Variants in GRIK4 observed in about 807,000 individuals in gnomAD.
The protein encoded by GRIK4 is glutamate ionotropic receptor kainate type subunit 4, also known as glutamate receptor ionotropic, kainate 4.
In GRIK4, 40 loss-of-function variants were observed where a neutral mutation model predicts 104.9. The ratio of observed to expected loss-of-function variants is 0.38; its 90% CI spans 0.30 to 0.50. GRIK4 has a LOEUF of 0.50. Ranked by LOEUF, GRIK4 falls within the 20% of genes least tolerant of loss-of-function variation. GRIK4 has a pLI of 0.93. For synonymous variants in GRIK4, 485 were observed against 524.9 expected, an observed-to-expected ratio of 0.92 and a Z score of 1.04; for missense variants, 1,047 against 1,308.1, an observed-to-expected ratio of 0.80 and a Z score of 3.08.
At chr11:120,815,730 G>A (rs776305172) in intron 5 of GRIK4, among the ~76,000 whole-genome samples, 11 of 152,126 alleles carry the variant, frequency 7.2e-5, no homozygotes, top group Admixed American at 1.3e-4. Flanking sequence ...GTCCCATGGC[G>A]GTGCCCCCAG....
At chr11:120,639,975 G>A (rs1949450278) in intron 1 of GRIK4, among the ~76,000 whole-genome samples, 1 of 152,096 alleles carries the variant, frequency 6.6e-6, no homozygotes, top group South Asian at 2.1e-4. Context: ...TTTGGATCAG[G>A]AAAGATCCCT....
At chr11:120,881,739 G>T (rs1954973384) in intron 11 of GRIK4, among the ~76,000 whole-genome samples, 2 of 152,188 alleles carry the variant, frequency 1.3e-5, no homozygotes, top group Non-Finnish European at 2.9e-5. Context: ...CTGCCATCTT[G>T]CCTGACACAA....
At chr11:120,709,117 T>A (rs11217987) in intron 3 of GRIK4, among the ~76,000 whole-genome samples, 37,577 of 151,970 alleles carry the variant, frequency 0.25, 6,345 homozygotes, top group African/African-American at 0.48. Context: ...AAGGATCACC[T>A]ATTTAAAATC....
chr11:120,875,258 A>G lies in GRIK4; in HGVS notation c.1164+15A>G, dbSNP rs3824977. 0.16 allele frequency: 247,178 copies of G among 1,503,606 alleles called. 24,720 individuals are homozygous for G. Among genetic ancestry groups the G allele is most frequent in the East Asian group, 0.49 (21,929 of 44,306 alleles). The allele number at this position is 1,503,606 out of a possible 1,614,324, so 93.1% of individuals were successfully genotyped here. ...GTTTTCGGCAGGTAAGCCTAGCTGC[A>G]CCGTGGTGATGGCAGGTCCTCCTCT... On this transcript the variant is annotated intron_variant, in intron 11 of 20. Coordinates refer to ENST00000527524, the MANE Select transcript of GRIK4 (RefSeq NM_014619.5).
chr11:120,886,389 A>G (rs1387524443), intron 11 of GRIK4, among the ~76,000 whole-genome samples: 1 of 152,200 alleles, frequency 6.6e-6, no homozygotes, highest in Non-Finnish European at 1.5e-5. Context: ...TCCTACCTAC[A>G]AGAACCAGTG....
chr11:120,600,476 T>C (rs1374177535), intron 1 of GRIK4, among the ~76,000 whole-genome samples: 1 of 152,214 alleles, frequency 6.6e-6, no homozygotes, highest in Non-Finnish European at 1.5e-5. Flanking sequence ...TCCTGCTCTC[T>C]GGGCCTCCCA....
chr11:120,958,365 G>A (rs778190119), intron 16 of GRIK4, among the ~76,000 whole-genome samples: 5 of 152,374 alleles, frequency 3.3e-5, no homozygotes, highest in Non-Finnish European at 7.3e-5. Context: ...GTGAGAAGGG[G>A]CTCAGCGCGA....
intron 3 of GRIK4, among the ~76,000 whole-genome samples, chr11:120,752,009 G>A (rs775283160): frequency 6.6e-6 from 1 of 152,130 alleles, no homozygotes; most frequent in Non-Finnish European, 1.5e-5. Context: ...GCTATTAATA[G>A]TAAGATGCCG....
intron 3 of GRIK4, among the ~76,000 whole-genome samples, chr11:120,757,558 G>A (rs911554175): frequency 9.8e-5 from 15 of 152,362 alleles, no homozygotes; most frequent in African/African-American, 3.6e-4. Flanking sequence ...CACCTCCACA[G>A]CTGTGAAAGG....
chr11:120,786,361 G>A (rs898128342), intron 3 of GRIK4, among the ~76,000 whole-genome samples: 10 of 152,212 alleles, frequency 6.6e-5, no homozygotes, highest in East Asian at 1.9e-4. Context: ...GCTCTTCTGC[G>A]TATCCTGGTA....
chr11:120,835,356 C>T (rs1046124661), intron 7 of GRIK4, among the ~76,000 whole-genome samples: 14 of 152,144 alleles, frequency 9.2e-5, no homozygotes, highest in African/African-American at 2.9e-4. Context: ...GGCGAAATCC[C>T]ATCTCTACTA....
intron 13 of GRIK4, among the ~76,000 whole-genome samples, chr11:120,918,786 G>A (rs1943166384): frequency 1.3e-5 from 2 of 152,210 alleles, no homozygotes; most frequent in Admixed American, 1.3e-4. Context: ...GGAGCACAGA[G>A]AAGGAGGGAA....
In GRIK4 at chr11:120,986,196, C is replaced by T; in HGVS notation, c.2807C>T (p.Ser936Leu). 3.8e-6 allele frequency: 6 copies of T among 1,567,424 alleles called. No individual in the cohort carries two copies. Among genetic ancestry groups the T allele is most frequent in the Non-Finnish European group, 5.1e-6 (6 of 1,166,448 alleles). ...RRFQGLRARPSPARSEESLEW... is the reference protein window; with the variant it reads ...RRFQGLRARPLPARSEESLEW... ...TTCCAGGGCCTGCGGGCACGGCCGT[C>T]GCCCGCCCGCAGCGAGGAGAGCCTG... Residue 936 changes from serine to leucine, a missense_variant, in exon 21 of 21, where the codon TCG becomes TTG. By Grantham distance (145) the Ser-to-Leu change is moderately radical. Around this residue, in one of 3 missense-constraint regions of GRIK4, gnomAD observed 160 missense variants for 140.9 expected, o/e 1.14. Transcript: ENST00000527524.
intron 3 of GRIK4, among the ~76,000 whole-genome samples, chr11:120,684,183 C>T (rs1950240397): frequency 1.3e-5 from 2 of 152,034 alleles, no homozygotes; most frequent in African/African-American, 2.4e-5. Context: ...ATTAGTTGGG[C>T]GTAATGGTGC....
chr11:120,766,804 T>C (rs1951848630), intron 3 of GRIK4, among the ~76,000 whole-genome samples: 1 of 151,524 alleles, frequency 6.6e-6, no homozygotes, highest in African/African-American at 2.4e-5. Flanking sequence ...CCAATCCCAG[T>C]GAAATGAACC....
In GRIK4 at chr11:120,574,040, G is replaced by A. The variant is rs545832018; in HGVS notation, c.-159+62153G>A. Among the ~76,000 whole-genome samples, 6 of 152,326 alleles carry A rather than the reference G, an allele frequency of 3.9e-5. No individual in the cohort carries two copies. The South Asian group carries it at 6.2e-4, about 16-fold the overall frequency. ...AATCAATCCTCTCTCCCCTGGGACCGACACTGGTGACTCAGGGATAGAGTG... is the reference window on the plus strand; with the variant it reads ...AATCAATCCTCTCTCCCCTGGGACCAACACTGGTGACTCAGGGATAGAGTG... On this transcript the variant is annotated intron_variant, in intron 1 of 20. Transcript: ENST00000527524.
intron 8 of GRIK4, among the ~76,000 whole-genome samples, chr11:120,844,736 C>T (rs1312537934): frequency 2.0e-5 from 3 of 152,180 alleles, no homozygotes; most frequent in Non-Finnish European, 4.4e-5. Context: ...TACCCTTCCT[C>T]CCATTCTGAG....
chr11:120,959,558 A>T (rs1944242855), intron 16 of GRIK4, among the ~76,000 whole-genome samples: 1 of 152,242 alleles, frequency 6.6e-6, no homozygotes, highest in South Asian at 2.1e-4. Context: ...CTGTGCTTAG[A>T]TCTATCTTTG....
At chr11:120,679,777 G>A (rs1950160976) in intron 3 of GRIK4, among the ~76,000 whole-genome samples, 1 of 152,310 alleles carries the variant, frequency 6.6e-6, no homozygotes, top group Non-Finnish European at 1.5e-5. Context: ...CTTTGCAGGA[G>A]GAAGCTCAAA....
Sources: gnomAD v4.1 joint callset for allele counts (sites outside exome capture counted in the v4.1 genomes callset) on GRCh38, gnomAD v4.1.1 for gene constraint, gnomAD v4.1.1 regional missense constraint, MANE v1.5 for transcripts, NCBI Gene and HGNC (gene_info 2026-07-23, HGNC 2026-07-21) for gene names.